Variants in KALRN observed in about 807,000 individuals in gnomAD.
The protein encoded by KALRN is kalirin.
A neutral mutation model predicts 353.7 loss-of-function variants in KALRN; 70 were observed. That is an observed-to-expected ratio of 0.20 (90% CI 0.16 to 0.24). The LOEUF (loss-of-function observed/expected upper bound fraction) is 0.24, where lower values mean the gene tolerates loss of function less well. KALRN is among the 10% of genes least tolerant of loss of function. The pLI, the probability that KALRN is intolerant of heterozygous loss-of-function variation, is 1.00. For synonymous variants in KALRN, 1,391 were observed against 1,434.8 expected, an observed-to-expected ratio of 0.97 and a Z score of 0.69; for missense variants, 2,791 against 3,756.7, an observed-to-expected ratio of 0.74 and a Z score of 6.72.
chr3:124,277,166 C>T (rs1055572614), intron 5 of KALRN, among the ~76,000 whole-genome samples: 4 of 152,142 alleles, frequency 2.6e-5, no homozygotes, highest in African/African-American at 9.7e-5. Flanking sequence ...TCCAGAGGGG[C>T]GTGTCATGTC....
rs1301836888 is a variant in KALRN, at chr3:124,033,687, C to T, written c.-54C>T. On this transcript the variant is annotated 5_prime_UTR_variant, in exon 1 of 60. Transcript: ENST00000682506. This position sits in a 1 kb window ranked among gnomAD's most constrained non-coding sequence, Gnocchi z 6.2. ...TCCGCCCACCGGGCGCCGAGCAGCC[C>T]TCGGCCCCAGGCTTCTTCGGCTCCC... Among the ~76,000 whole-genome samples the T allele has an allele frequency of 6.6e-6, 1 of 151,904 alleles. No homozygotes were observed. The highest frequency in any genetic ancestry group is 1.5e-5 in the Non-Finnish European group (1 of 67,918).
At chr3:124,712,616 C>T (rs1475207742) in intron 57 of KALRN, among the ~76,000 whole-genome samples, 1 of 140,350 alleles carries the variant, frequency 7.1e-6, no homozygotes, top group Non-Finnish European at 1.5e-5. Context: ...GATCACATGA[C>T]TGCACTCTAG....
chr3:124,139,754 T>A lies in KALRN; in HGVS notation c.74-88236T>A, dbSNP rs1011574612. Among the ~76,000 whole-genome samples, 5 of 152,060 alleles carry A rather than the reference T, an allele frequency of 3.3e-5. No individual in the cohort carries two copies. The East Asian group carries it at 9.7e-4, about 29-fold the overall frequency. On this transcript the variant is annotated intron_variant, in intron 1 of 59. Coordinates refer to ENST00000682506, the MANE Select transcript of KALRN (RefSeq NM_001388419.1). Reference sequence around the variant, plus strand: ...CTGTGGGGGATTGGATGTGAGGAGATCATGGTCATCTTTGAAATAACAGTT... The same window carrying A: ...CTGTGGGGGATTGGATGTGAGGAGAACATGGTCATCTTTGAAATAACAGTT...
intron 25 of KALRN, among the ~76,000 whole-genome samples, chr3:124,470,076 A>G (rs2060737146): frequency 6.6e-6 from 1 of 152,202 alleles, no homozygotes; most frequent in African/African-American, 2.4e-5. Context: ...TTTTCCTCAT[A>G]AAGTAACTGC....
chr3:124,362,040 A>T (rs755111819), intron 10 of KALRN, among the ~76,000 whole-genome samples: 1 of 152,072 alleles, frequency 6.6e-6, no homozygotes, highest in Non-Finnish European at 1.5e-5. Context: ...TGGCCGTGGC[A>T]TTCAGGGTAA....
chr3:124,484,561 G>A (rs1278812009), intron 28 of KALRN, among the ~76,000 whole-genome samples: 1 of 152,148 alleles, frequency 6.6e-6, no homozygotes, highest in Non-Finnish European at 1.5e-5. Context: ...TTTGTTTTTT[G>A]AAATTTCTTA....
At chr3:124,155,640 A>T (rs970978249) in intron 1 of KALRN, among the ~76,000 whole-genome samples, 2 of 152,266 alleles carry the variant, frequency 1.3e-5, no homozygotes, top group Non-Finnish European at 2.9e-5. Context: ...TAGAAGATGG[A>T]TATGGAGTGG....
intron 34 of KALRN, among the ~76,000 whole-genome samples, chr3:124,591,285 G>A (rs921010182): frequency 3.3e-5 from 5 of 151,934 alleles, no homozygotes; most frequent in South Asian, 2.1e-4. Context: ...CCTTTTCCCC[G>A]CCCTTTTTTG....
chr3:124,135,985 T>G (rs116766936), intron 1 of KALRN, among the ~76,000 whole-genome samples: 1,570 of 152,324 alleles, frequency 0.01, 33 homozygotes, highest in African/African-American at 0.035. Flanking sequence ...TGCAGCTGCT[T>G]GTCCTCATCT....
chr3:124,709,480 G>A (rs912000943), intron 57 of KALRN, among the ~76,000 whole-genome samples: 5 of 152,128 alleles, frequency 3.3e-5, no homozygotes, highest in Non-Finnish European at 7.3e-5. Context: ...GTTTCACCAT[G>A]TTGTCCAGGC....
At chr3:124,069,321 AG>A (rs2042642703) in intron 1 of KALRN, among the ~76,000 whole-genome samples, 1 of 8,646 alleles carries the variant, frequency 1.2e-4, no homozygotes, top group Non-Finnish European at 3.5e-4. Flanking sequence ...TAGGAGGAGG[AG>A]GAGGAGGAGG....
intron 13 of KALRN, among the ~76,000 whole-genome samples, chr3:124,406,595 T>C (rs759935604): frequency 3.2e-4 from 49 of 152,328 alleles, no homozygotes; most frequent in Non-Finnish European, 6.0e-4. Context: ...AACCCAGGTA[T>C]GTCAATGGCA....
At chr3:124,070,176 G>A (rs571005017) in intron 1 of KALRN, among the ~76,000 whole-genome samples, 77 of 152,246 alleles carry the variant, frequency 5.1e-4, no homozygotes, top group African/African-American at 1.5e-3. Context: ...GCTCTCTAAC[G>A]CTTATGGACA....
chr3:124,578,661 C>T (rs555024346), intron 34 of KALRN, among the ~76,000 whole-genome samples: 24 of 151,946 alleles, frequency 1.6e-4, no homozygotes, highest in Non-Finnish European at 2.1e-4. Context: ...CCCAGGTACT[C>T]GGGAGGCTGA....
At chr3:124,657,133 A>G (rs1193296153) in intron 39 of KALRN, among the ~76,000 whole-genome samples, 3 of 152,366 alleles carry the variant, frequency 2.0e-5, no homozygotes, top group Admixed American at 6.5e-5. Flanking sequence ...GGCCAGATGT[A>G]TCTAGTTCTG....
chr3:124,237,309 G>A (rs1383052750), intron 3 of KALRN, among the ~76,000 whole-genome samples: 1 of 151,624 alleles, frequency 6.6e-6, no homozygotes, highest in East Asian at 2.0e-4. Context: ...GTTGTTGGAG[G>A]TGGATTGTTA....
chr3:124,335,774 A>G (rs1238964909), intron 9 of KALRN, among the ~76,000 whole-genome samples: 1 of 152,222 alleles, frequency 6.6e-6, no homozygotes, highest in East Asian at 1.9e-4. Context: ...GATTATACAT[A>G]TAAAATAACA....
intron 1 of KALRN, among the ~76,000 whole-genome samples, chr3:124,114,007 G>A (rs1008527631): frequency 2.8e-4 from 42 of 152,260 alleles, no homozygotes; most frequent in Admixed American, 2.6e-3. Context: ...GTGCTGGAAG[G>A]GTAGAGAGTA....
intron 1 of KALRN, among the ~76,000 whole-genome samples, chr3:124,161,890 G>A (rs1037922955): frequency 6.6e-6 from 1 of 152,154 alleles, no homozygotes; most frequent in Admixed American, 6.5e-5. Context: ...CTCAGAAAGG[G>A]GTTGAAAGAT....
Sources: gnomAD v4.1 joint callset for allele counts (sites outside exome capture counted in the v4.1 genomes callset) on GRCh38, gnomAD v4.1.1 for gene constraint, Gnocchi (gnomAD v3.1) non-coding constraint, MANE v1.5 for transcripts, NCBI Gene and HGNC (gene_info 2026-07-23, HGNC 2026-07-21) for gene names.